Variants in SLC24A2 observed in about 807,000 individuals in gnomAD.
SLC24A2 encodes solute carrier family 24 member 2.
In SLC24A2, 36 loss-of-function variants were observed where a neutral mutation model predicts 62.0. The observed-to-expected ratio is 0.58, with a 90% confidence interval of 0.44 to 0.77. The LOEUF (loss-of-function observed/expected upper bound fraction) is 0.77, where lower values mean the gene tolerates loss of function less well. Ranked by LOEUF, SLC24A2 falls within the 30% of genes least tolerant of loss-of-function variation. The pLI is 0.00. For synonymous variants in SLC24A2, 358 were observed against 294.0 expected (o/e 1.22, Z -2.23); for missense variants, 846 against 817.9 (o/e 1.03, Z -0.42).
chr9:20,121,253 T>G, the SLC24A2 span, among the ~76,000 whole-genome samples: 150,141 of 151,482 alleles, frequency 0.99, 74,419 homozygotes, highest in East Asian at 1. Context: ...ATCCATGAAC[T>G]TTGTATAGCT....
the SLC24A2 span, among the ~76,000 whole-genome samples, chr9:19,987,763 T>C: frequency 1.3e-5 from 2 of 152,212 alleles, no homozygotes; most frequent in African/African-American, 4.8e-5. Flanking sequence ...CTGTTTCTTT[T>C]GGCCACTTTT....
the SLC24A2 span, among the ~76,000 whole-genome samples, chr9:20,173,734 T>A: frequency 6.6e-6 from 1 of 152,084 alleles, no homozygotes; most frequent in Non-Finnish European, 1.5e-5. Flanking sequence ...TCCATGCTCG[T>A]ACATAGGTAG....
chr9:20,097,671 C>A, the SLC24A2 span, among the ~76,000 whole-genome samples: 2 of 146,300 alleles, frequency 1.4e-5, no homozygotes, highest in East Asian at 4.2e-4. Context: ...GGTTGCTGAC[C>A]AAGTAGAATA....
the SLC24A2 span, among the ~76,000 whole-genome samples, chr9:19,876,705 CTCTG>C: frequency 6.6e-6 from 1 of 152,100 alleles, no homozygotes; most frequent in South Asian, 2.1e-4. Context: ...CTGTCTCGCT[CTCTG>C]TCTCTCTCAT....
chr9:20,199,459 TG>T, the SLC24A2 span, among the ~76,000 whole-genome samples: 1 of 152,262 alleles, frequency 6.6e-6, no homozygotes, highest in Non-Finnish European at 1.5e-5. Flanking sequence ...CATTGGCATC[TG>T]GGGGGTGTCC....
At chr9:20,242,986 C>T in the SLC24A2 span, among the ~76,000 whole-genome samples, 11 of 152,216 alleles carry the variant, frequency 7.2e-5, no homozygotes, top group East Asian at 1.9e-4. Context: ...TTTCATTTCC[C>T]GTGCATAAGG....
chr9:19,995,605 C>A, the SLC24A2 span, among the ~76,000 whole-genome samples: 22 of 152,326 alleles, frequency 1.4e-4, no homozygotes, highest in East Asian at 2.9e-3. Context: ...AGGTACCAGA[C>A]ATTCTTTGAA....
Position 19,754,763 on chromosome 9 carries a change from C to T in SLC24A2, c.930+31174G>A, listed in dbSNP as rs1451151547. Among the ~76,000 whole-genome samples the T allele has an allele frequency of 1.3e-5, 2 of 151,882 alleles. 1 individual carries two copies. The highest frequency in any genetic ancestry group is 1.3e-4 in the Admixed American group (2 of 15,228). ...GCAACTCCAAGCTTCTTTTAGAGAA[C>T]CAAAACTGTGCCAAAATGCACAGTT... On this transcript the variant is annotated intron_variant, in intron 2 of 10. Coordinates refer to ENST00000341998, the MANE Select transcript of SLC24A2 (RefSeq NM_020344.4).
At chr9:19,580,832 T>G (rs1333849167) in intron 5 of SLC24A2, among the ~76,000 whole-genome samples, 1 of 152,162 alleles carries the variant, frequency 6.6e-6, no homozygotes, top group Non-Finnish European at 1.5e-5. Context: ...GCTGATCTGT[T>G]AAGCAGGGAT....
the SLC24A2 span, among the ~76,000 whole-genome samples, chr9:20,271,755 A>C: frequency 6.6e-6 from 1 of 152,238 alleles, no homozygotes; most frequent in Non-Finnish European, 1.5e-5. Context: ...CCGTTTTGTT[A>C]TTAAAGAAAG....
At chr9:19,993,984 T>C in the SLC24A2 span, among the ~76,000 whole-genome samples, 1 of 152,142 alleles carries the variant, frequency 6.6e-6, no homozygotes. Context: ...TTGTAATTAA[T>C]CTTCACAGCA....
the SLC24A2 span, among the ~76,000 whole-genome samples, chr9:20,123,119 A>T: frequency 6.6e-6 from 1 of 152,184 alleles, no homozygotes; most frequent in Non-Finnish European, 1.5e-5. Context: ...GAGGTTCAAG[A>T]TCAAGGCAGA....
At chr9:19,958,961 G>T in the SLC24A2 span, among the ~76,000 whole-genome samples, 5 of 152,142 alleles carry the variant, frequency 3.3e-5, no homozygotes, top group Admixed American at 6.5e-5. Flanking sequence ...TGCACCCTAA[G>T]TCTGAACAAT....
the SLC24A2 span, among the ~76,000 whole-genome samples, chr9:19,954,023 G>A: frequency 1.3e-5 from 2 of 151,536 alleles, no homozygotes; most frequent in African/African-American, 2.4e-5. Context: ...GTTCCCTGAG[G>A]TGCCTCAGCA....
intron 2 of SLC24A2, among the ~76,000 whole-genome samples, chr9:19,622,794 G>A (rs1817940718): frequency 6.6e-6 from 1 of 152,140 alleles, no homozygotes; most frequent in African/African-American, 2.4e-5. Context: ...ACTGGGGGAT[G>A]GGATTGCAAA....
chr9:19,707,384 G>A (rs201855728), intron 2 of SLC24A2, among the ~76,000 whole-genome samples: 49,007 of 151,750 alleles, frequency 0.32, 8,347 homozygotes, highest in African/African-American at 0.45. Context: ...GAAAAAGAGG[G>A]AATCCTCCCT....
At chr9:19,531,275 T>G (rs765225663) in intron 8 of SLC24A2, among the ~76,000 whole-genome samples, 2 of 152,196 alleles carry the variant, frequency 1.3e-5, no homozygotes, top group African/African-American at 4.8e-5. Context: ...TTGGACAGCA[T>G]GGTCTCATTC....
intron 4 of SLC24A2, among the ~76,000 whole-genome samples, chr9:19,602,724 C>G (rs1419957764): frequency 6.6e-6 from 1 of 152,180 alleles, no homozygotes; most frequent in South Asian, 2.1e-4. Context: ...CCATCAGTTT[C>G]TACCTGTGTG....
chr9:19,651,401 A>G (rs912851933), intron 2 of SLC24A2, among the ~76,000 whole-genome samples: 1 of 152,360 alleles, frequency 6.6e-6, no homozygotes, highest in African/African-American at 2.4e-5. Flanking sequence ...GCCCTAGGTC[A>G]TATGGTGAAT....
Sources: allele counts gnomAD v4.1 joint callset (sites outside exome capture counted in the v4.1 genomes callset), GRCh38; gene constraint gnomAD v4.1.1; transcripts MANE v1.5; gene names NCBI Gene and HGNC (gene_info 2026-07-23, HGNC 2026-07-21).